CLASP2: variants seen among roughly 807,000 people sequenced by gnomAD.
CLASP2 encodes cytoplasmic linker associated protein 2, also known as CLIP-associating protein 2.
CLASP2 carries 47 observed loss-of-function variants against 194.4 expected under a neutral mutation model. The ratio of observed to expected loss-of-function variants is 0.24; its 90% CI spans 0.19 to 0.31. CLASP2 has a LOEUF of 0.31. CLASP2 is among the 10% of genes least tolerant of loss of function. The pLI is 1.00. For synonymous variants in CLASP2, 619 were observed against 633.5 expected, an observed-to-expected ratio of 0.98 and a Z score of 0.34; for missense variants, 1,445 against 1,823.6, an observed-to-expected ratio of 0.79 and a Z score of 3.78.
intron 34 of CLASP2, among the ~76,000 whole-genome samples, chr3:33,521,420 T>G (rs1211014719): frequency 6.6e-6 from 1 of 152,176 alleles, no homozygotes; most frequent in Non-Finnish European, 1.5e-5. Context: ...AGTGAAACCA[T>G]GTGTTACTAG....
At chr3:33,533,660 C>T (rs1325515806) in intron 34 of CLASP2, among the ~76,000 whole-genome samples, 1 of 152,072 alleles carries the variant, frequency 6.6e-6, no homozygotes, top group East Asian at 1.9e-4. Flanking sequence ...TTAAATTCAC[C>T]TATCCTTTAA....
At chr3:33,620,064 C>T (rs1402804928) in intron 11 of CLASP2, among the ~76,000 whole-genome samples, 2 of 152,190 alleles carry the variant, frequency 1.3e-5, no homozygotes, top group Admixed American at 6.5e-5. Flanking sequence ...ATGGTTCTGA[C>T]CTTTGGTCTT....
chr3:33,597,271 A>G (rs566265328), intron 18 of CLASP2, among the ~76,000 whole-genome samples: 9 of 152,248 alleles, frequency 5.9e-5, no homozygotes, highest in African/African-American at 1.7e-4. Flanking sequence ...TGTCCCATAG[A>G]GAAAATTACA....
chr3:33,708,193 C>A (rs780743744), intron 1 of CLASP2, among the ~76,000 whole-genome samples: 1 of 151,986 alleles, frequency 6.6e-6, no homozygotes, highest in African/African-American at 2.4e-5. Flanking sequence ...AAAGCATGTA[C>A]CCTTTGACCA....
At chr3:33,646,642 GAA>G (rs1386825172) in intron 7 of CLASP2, among the ~76,000 whole-genome samples, 4 of 151,952 alleles carry the variant, frequency 2.6e-5, no homozygotes, top group Middle Eastern at 3.4e-3. Flanking sequence ...CACAAGAATT[GAA>G]AAGAGTAAAT....
chr3:33,521,468 A>G (rs1220095174), intron 34 of CLASP2, among the ~76,000 whole-genome samples: 1 of 152,232 alleles, frequency 6.6e-6, no homozygotes, highest in African/African-American at 2.4e-5. Flanking sequence ...TCACTTCTGC[A>G]ATACTGATGC....
intron 29 of CLASP2, 26 bp downstream of exon 29, chr3:33,559,281 G>A (rs1181347477): frequency 7.7e-7 from 1 of 1,304,254 alleles, no homozygotes; most frequent in Admixed American, 1.9e-5. Context: ...TCTTTATAAT[G>A]TCTTCAAAAG....
At chr3:33,571,037 A>G (rs1446430956) in intron 25 of CLASP2, among the ~76,000 whole-genome samples, 1 of 99,938 alleles carries the variant, frequency 1.0e-5, no homozygotes, top group Non-Finnish European at 2.1e-5. Flanking sequence ...TTTTTTTGAG[A>G]CGGAGTCTCG....
chr3:33,575,224 T>C (rs6550224), intron 24 of CLASP2, among the ~76,000 whole-genome samples: 151,211 of 152,210 alleles, frequency 0.99, 75,111 homozygotes, highest in Middle Eastern at 1. Context: ...ATCAAGTGGC[T>C]GAAGTAACGG....
chr3:33,611,191 A>AAAAC (rs894372599), intron 13 of CLASP2, among the ~76,000 whole-genome samples: 6 of 152,160 alleles, frequency 3.9e-5, no homozygotes, highest in Non-Finnish European at 7.4e-5. Context: ...CAACCTTACA[A>AAAAC]AAACAAACAA....
intron 27 of CLASP2, among the ~76,000 whole-genome samples, chr3:33,565,820 G>GA (rs1284114076): frequency 4.1e-5 from 6 of 147,714 alleles, no homozygotes; most frequent in Admixed American, 6.7e-5. Context: ...TCAAAAAAAA[G>GA]AAAAAAAAAT....
intron 2 of CLASP2, among the ~76,000 whole-genome samples, chr3:33,692,667 T>A (rs1317032481): frequency 6.6e-6 from 1 of 152,140 alleles, no homozygotes; most frequent in Non-Finnish European, 1.5e-5. Flanking sequence ...AGTGACAGGA[T>A]GAAGTAAAAT....
intron 30 of CLASP2, among the ~76,000 whole-genome samples, chr3:33,548,367 G>A (rs766641692): frequency 3.3e-5 from 5 of 151,318 alleles, no homozygotes; most frequent in South Asian, 2.1e-4. Flanking sequence ...GCGCAATCTC[G>A]GCTCACTACA....
chr3:33,588,384 C>G (rs377474014), intron 21 of CLASP2, among the ~76,000 whole-genome samples: 1 of 152,174 alleles, frequency 6.6e-6, no homozygotes, highest in Non-Finnish European at 1.5e-5. Flanking sequence ...AACTTGACAT[C>G]GAACACCTAT....
At chr3:33,553,917 A>G (rs1477270714) in intron 29 of CLASP2, among the ~76,000 whole-genome samples, 2 of 152,116 alleles carry the variant, frequency 1.3e-5, no homozygotes, top group Non-Finnish European at 2.9e-5. Context: ...TCACTGCAGC[A>G]TTACTCATAA....
intron 5 of CLASP2, among the ~76,000 whole-genome samples, chr3:33,685,250 G>C (rs535274230): frequency 6.9e-6 from 1 of 145,740 alleles, no homozygotes; most frequent in East Asian, 2.1e-4. Flanking sequence ...GCCGAGGCAG[G>C]AGAATCGCTT....
At chr3:33,533,035 T>TA (rs1243783717) in intron 34 of CLASP2, among the ~76,000 whole-genome samples, 8 of 152,312 alleles carry the variant, frequency 5.3e-5, no homozygotes, top group Admixed American at 5.2e-4. Flanking sequence ...ATTTTAAGAT[T>TA]AAAAAATACA....
At chr3:33,564,112 C>G in intron 27 of CLASP2, 2 of 352,636 alleles carry the variant, frequency 5.7e-6, no homozygotes, top group Non-Finnish European at 1.1e-5. Context: ...ATTTTCCCAT[C>G]TCTAACACAT....
chr3:33,512,731 T>A (rs1359180159), intron 36 of CLASP2, among the ~76,000 whole-genome samples: 8 of 142,918 alleles, frequency 5.6e-5, no homozygotes, highest in African/African-American at 2.1e-4. Context: ...TGGCTCAGCC[T>A]ATAATCCCAG....
Sources: gnomAD v4.1 joint callset for allele counts (sites outside exome capture counted in the v4.1 genomes callset) on GRCh38, gnomAD v4.1.1 for gene constraint, MANE v1.5 for transcripts, NCBI Gene and HGNC (gene_info 2026-07-23, HGNC 2026-07-21) for gene names.